The following DMBT1 variants were observed in gnomAD, a reference collection of about 807,000 sequenced individuals.
The protein encoded by DMBT1 is scavenger receptor cysteine-rich domain-containing protein DMBT1.
In DMBT1, 198 loss-of-function variants were observed where a neutral mutation model predicts 252.9. That is an observed-to-expected ratio of 0.78 (90% confidence interval 0.70 to 0.88). The LOEUF (loss-of-function observed/expected upper bound fraction) is 0.88. DMBT1 is among the 40% of genes least tolerant of loss of function. The pLI, the probability that DMBT1 is intolerant of heterozygous loss-of-function variation, is 0.00. For synonymous variants in DMBT1, 990 were observed against 942.7 expected (o/e 1.05, Z -0.92); for missense variants, 2,432 against 2,404.7 (o/e 1.01, Z -0.24).
Position 122,598,883 on chromosome 10 carries a change from G to T in DMBT1, c.3066G>T (p.Trp1022Cys). ...GGGGCACCGTGTGCGATGACAGCTG[G>T]GACACCAATGATGCCAATGTCGTCT... ...GSWGTVCDDS[W>C]DTNDANVVCR... The change falls in exon 26 of 56, where the codon TGG becomes TGT. Residue 1022 changes from tryptophan (W) to cysteine (C), a missense_variant. By Grantham distance (215) the Trp-to-Cys change is radical. This residue lies in a region of DMBT1 where 1,264 missense variants were observed against 1,082.2 expected (regional missense o/e 1.17). Coordinates refer to ENST00000338354, the MANE Select transcript of DMBT1 (RefSeq NM_001377530.1). The T allele has an allele frequency of 6.2e-7, 1 of 1,613,846 alleles. No individual in the cohort carries two copies. Among genetic ancestry groups the T allele is most frequent in the Non-Finnish European group, 8.5e-7 (1 of 1,179,792 alleles).
Position 122,586,108 on chromosome 10 carries a change from G to A in DMBT1, c.1508G>A (p.Cys503Tyr), listed in dbSNP as rs749721024. 2 of 1,589,064 alleles carry A rather than the reference G, an allele frequency of 1.3e-6. No individual in the cohort carries two copies. Among genetic ancestry groups the A allele is most frequent in the South Asian group, 2.3e-5 (2 of 87,042 alleles). The change falls in exon 16 of 56, where the codon TGT becomes TAT. Residue 503 changes from cysteine to tyrosine, a missense_variant. Transcript: ENST00000338354. ...AGGCTGGTGAATGGAGGTGACAGGT[G>A]TCAGGGCCGAGTGGAGGTCCTATAC... Reference protein sequence around the residue: ...ALRLVNGGDRCQGRVEVLYRG... With the variant: ...ALRLVNGGDRYQGRVEVLYRG...
chr10:122,634,443 TC>T (rs1400102233), intron 52 of DMBT1, among the ~76,000 whole-genome samples: 3 of 59,878 alleles, frequency 5.0e-5, no homozygotes, highest in Non-Finnish European at 9.4e-5. Flanking sequence ...TCTCTCTCTC[TC>T]TCTCTCTCTC....
chr10:122,567,801 G>C (rs2097612226), intron 2 of DMBT1, among the ~76,000 whole-genome samples: 1 of 152,204 alleles, frequency 6.6e-6, no homozygotes, highest in Non-Finnish European at 1.5e-5. Context: ...CAGGAGAGGA[G>C]GCTGGAAAAG....
At chr10:122,592,714 G>C (rs2097859336) in intron 20 of DMBT1, 119 bp downstream of exon 20, 2 of 1,491,342 alleles carry the variant, frequency 1.3e-6, no homozygotes, top group African/African-American at 2.7e-5. Flanking sequence ...TATTTATGTA[G>C]TCTTGTTAGC....
At position 122,625,945 on chromosome 10, in the gene DMBT1, C is replaced by T; in HGVS notation, c.5648C>T (p.Pro1883Leu). ...INSTTTDWWH[P>L]TTTTTARPSS... ...TTTTTTTTTCTAGATTGGTGGCATC[C>T]AACAACTACAACCACTGCAAGTAGG... The change falls in exon 46 of 56, where the codon CCA (proline) becomes CTA (leucine). Residue 1883 changes from proline (P) to leucine (L), a missense_variant. Physicochemically the swap from Pro to Leu is moderately conservative, Grantham distance 98 (BLOSUM62 -3). Coordinates refer to ENST00000338354, the MANE Select transcript of DMBT1 (RefSeq NM_001377530.1). The T allele has an allele frequency of 6.2e-7, 1 of 1,611,666 alleles. No individual in the cohort carries two copies. Among genetic ancestry groups the T allele is most frequent in the Non-Finnish European group, 8.5e-7 (1 of 1,177,792 alleles).
intron 45 of DMBT1, among the ~76,000 whole-genome samples, 187 bp downstream of exon 45, chr10:122,625,490 A>C (rs1349153799): frequency 2.0e-5 from 3 of 152,202 alleles, no homozygotes; most frequent in Non-Finnish European, 4.4e-5. Context: ...TTCACCGTGG[A>C]GGGCCCCTGT....
rs2097859199 is a variant in DMBT1, at chr10:122,592,702, T to C, written c.2500+107T>C. 2.0e-6 allele frequency: 3 copies of C among 1,518,448 alleles called. 1 individual carries two copies. In the South Asian group the frequency reaches 3.9e-5, roughly 20 times the overall value. The allele number at this position is 1,518,448 out of a possible 1,614,324, so 94.1% of individuals were successfully genotyped here. A position where few individuals can be genotyped will look rare whatever the true frequency, so the allele number is the denominator to read the frequency against. ...CACTCAAAGATTCTTCTATGTTTCCTATATTTATGTAGTCTTGTTAGCTCT... is the reference window on the plus strand; with the variant it reads ...CACTCAAAGATTCTTCTATGTTTCCCATATTTATGTAGTCTTGTTAGCTCT... On this transcript the variant is annotated intron_variant, in intron 20 of 55. Coordinates refer to ENST00000338354, the MANE Select transcript of DMBT1 (RefSeq NM_001377530.1).
intron 6 of DMBT1, among the ~76,000 whole-genome samples, chr10:122,575,969 C>T (rs1467262431): frequency 6.6e-6 from 1 of 152,154 alleles, no homozygotes; most frequent in African/African-American, 2.4e-5. Flanking sequence ...CCAGGAATAT[C>T]ACGTGACAAA....
intron 27 of DMBT1, among the ~76,000 whole-genome samples, chr10:122,600,384 C>T (rs1002098603): frequency 9.9e-5 from 15 of 152,218 alleles, no homozygotes; most frequent in East Asian, 5.8e-4. Context: ...GTTTAATGAG[C>T]TTTGGTCCTT....
At chr10:122,626,580 T>C (rs572191638) in intron 46 of DMBT1, among the ~76,000 whole-genome samples, 45 of 152,338 alleles carry the variant, frequency 3.0e-4, no homozygotes, top group Middle Eastern at 3.4e-3. Context: ...GTACATAGAA[T>C]GTACTTCATG....
chr10:122,590,834 T>C, intron 18 of DMBT1, 140 bp downstream of exon 18: 1 of 1,091,550 alleles, frequency 9.2e-7, no homozygotes, highest in Non-Finnish European at 1.3e-6. Context: ...ACTGAGACCC[T>C]AGCATGGAGC....
rs1279271714 is a variant in DMBT1 at position 122,591,825 on chromosome 10, T to C, written c.2176+308T>C. Among the ~76,000 whole-genome samples, 10 of 149,278 alleles carry C rather than the reference T, an allele frequency of 6.7e-5. 2 individuals carry two copies. The highest frequency in any genetic ancestry group is 1.2e-4 in the Non-Finnish European group (8 of 66,886). On this transcript the variant is annotated intron_variant, in intron 19 of 55. Transcript: ENST00000338354. Reference sequence around the variant, plus strand: ...TCATTCCTGGCCTTCTGGCCATGCATTGCAGACCTGCAAGGGAGGGTGAAA... The same window carrying C: ...TCATTCCTGGCCTTCTGGCCATGCACTGCAGACCTGCAAGGGAGGGTGAAA...
In DMBT1 at chr10:122,593,610, G is replaced by A. The variant is rs772095075; in HGVS notation, c.2530+12G>A. 84 of 1,585,976 alleles carry A rather than the reference G, an allele frequency of 5.3e-5. 8 individuals are homozygous for A. The highest frequency in any genetic ancestry group is 6.4e-5 in the Non-Finnish European group (74 of 1,163,968). On this transcript the variant is annotated intron_variant, in intron 21 of 55. Transcript: ENST00000338354. ...GACACCCAGTCCAGGTAGGTCCCCAGTGTCCTTCCTCAAAATGTCCCTTCT... is the reference window on the plus strand; with the variant it reads ...GACACCCAGTCCAGGTAGGTCCCCAATGTCCTTCCTCAAAATGTCCCTTCT...
intron 53 of DMBT1, among the ~76,000 whole-genome samples, chr10:122,636,662 T>C (rs575823583): frequency 7.0e-4 from 106 of 152,374 alleles, no homozygotes; most frequent in Admixed American, 2.2e-3. Context: ...AGAGCCTGTA[T>C]GGCCATGATT....
At chr10:122,567,817 C>T (rs184166679) in intron 2 of DMBT1, among the ~76,000 whole-genome samples, 4 of 152,216 alleles carry the variant, frequency 2.6e-5, no homozygotes, top group East Asian at 3.9e-4. Context: ...AAAAGTAGGT[C>T]GAGGCTTGCT....
chr10:122,617,199 C>T (rs2097994767), intron 39 of DMBT1, 29 bp from the exon 40 acceptor site: 4 of 1,605,684 alleles, frequency 2.5e-6, no homozygotes, highest in Non-Finnish European at 2.6e-6. Context: ...AAGTCTAATT[C>T]TGTCTTTTTT....
Position 122,585,447 on chromosome 10 carries a change from A to C in DMBT1, c.1459+138A>C, listed in dbSNP as rs114619108. The C allele has an allele frequency of 5.5e-3, 6,417 of 1,177,330 alleles. 439 individuals carry two copies. In the African/African-American group the frequency reaches 0.079, roughly 14 times the overall value. 72.9% of individuals were successfully genotyped at this position (1,177,330 alleles called of 1,614,324 possible). ...TGTGGGTTGCATGGGAGGAAGGTAG[A>C]GTCTCTGGGGACCCAGCTGTGGGTC... On this transcript the variant is annotated intron_variant, in intron 15 of 55. Coordinates refer to ENST00000338354, the MANE Select transcript of DMBT1 (RefSeq NM_001377530.1).
chr10:122,633,255 CG>C lies in DMBT1; in HGVS notation c.6465del (p.Asn2156ThrfsTer20), dbSNP rs1383212216. 3.7e-6 allele frequency: 6 copies of C among 1,613,862 alleles called. No homozygotes were observed. The Admixed American group carries it at 1.0e-4, about 27-fold the overall frequency. ...SGDFSSPFYP[G>X]NYPNNAKCVW... The stretch of plus-strand genomic sequence containing the variant: ...GGGACTTTTCCAGCCCATTCTATCC[CG>C]GGAACTATCCAAACAATGCCAAGTG... On this transcript the variant is annotated frameshift_variant, in exon 52 of 56. Transcript: ENST00000338354. LOFTEE classifies it high-confidence loss of function.
chr10:122,570,165 C>T lies in DMBT1; in HGVS notation c.95C>T (p.Ser32Leu), dbSNP rs1184095463. The T allele has an allele frequency of 6.3e-7, 1 of 1,593,310 alleles. No individual in the cohort carries two copies. Among genetic ancestry groups the T allele is most frequent in the South Asian group, 1.1e-5 (1 of 90,612 alleles). Residue 32 changes from serine to leucine, a missense_variant, in exon 3 of 56, where the codon TCA (serine) becomes TTA (leucine). By Grantham distance (145) the Ser-to-Leu change is moderately radical. Around this residue, in one of 3 missense-constraint regions of DMBT1, gnomAD observed 1,264 missense variants for 1,082.2 expected, o/e 1.17. Transcript: ENST00000338354. The part of the protein sequence containing the change: ...GWIPRTTDYA[S>L]LIPSEVPLDP... ...CTCTTCCTTTTCCACCTCGCAGCTT[C>T]ACTGATTCCCTCGGAGGTGCCCTTG...
Sources: gnomAD v4.1 joint callset for allele counts (sites outside exome capture counted in the v4.1 genomes callset) on GRCh38, gnomAD v4.1.1 for gene constraint, gnomAD v4.1.1 regional missense constraint, MANE v1.5 for transcripts, NCBI Gene and HGNC (gene_info 2026-07-23, HGNC 2026-07-21) for gene names.